Variants in SLC22A2 observed in about 807,000 individuals in gnomAD.
SLC22A2 encodes solute carrier family 22 member 2.
SLC22A2 carries 46 observed loss-of-function variants against 60.5 expected under a neutral mutation model. The observed-to-expected ratio is 0.76, with a 90% CI of 0.60 to 0.97. The LOEUF (loss-of-function observed/expected upper bound fraction) is 0.97, where lower values mean the gene tolerates loss of function less well. SLC22A2 is among the 50% of genes least tolerant of loss of function. The probability of loss-of-function intolerance (pLI) is 0.00; values close to 1 mark genes in which losing one functional copy is unlikely to be tolerated. For synonymous variants in SLC22A2, 303 were observed against 267.0 expected, an observed-to-expected ratio of 1.13 and a Z score of -1.31; for missense variants, 701 against 706.6, an observed-to-expected ratio of 0.99 and a Z score of 0.09.
chr6:160,254,825 A>G (rs928103594), intron 2 of SLC22A2, among the ~76,000 whole-genome samples: 3 of 152,234 alleles, frequency 2.0e-5, no homozygotes, highest in African/African-American at 4.8e-5. Flanking sequence ...ATAATTGACC[A>G]GGGCTTATAA....
chr6:160,251,789 T>C (rs1158935351), intron 2 of SLC22A2, among the ~76,000 whole-genome samples: 1 of 152,230 alleles, frequency 6.6e-6, no homozygotes, highest in African/African-American at 2.4e-5. Context: ...TATGCAACTA[T>C]ATTCTAGTGA....
At chr6:160,231,232 C>T (rs1198845161) in intron 9 of SLC22A2, among the ~76,000 whole-genome samples, 1 of 151,724 alleles carries the variant, frequency 6.6e-6, no homozygotes, top group Non-Finnish European at 1.5e-5. Context: ...TTCAGTTATC[C>T]CCACCTGCCC....
intron 2 of SLC22A2, among the ~76,000 whole-genome samples, chr6:160,252,444 T>C (rs1259528104): frequency 6.6e-6 from 1 of 152,166 alleles, no homozygotes; most frequent in Non-Finnish European, 1.5e-5. Context: ...ATGTTCCACA[T>C]AGGGAAGCAA....
intron 10 of SLC22A2, among the ~76,000 whole-genome samples, chr6:160,222,982 G>T (rs535671856): frequency 6.6e-6 from 1 of 152,166 alleles, no homozygotes; most frequent in African/African-American, 2.4e-5. Flanking sequence ...CCTCCGCTCG[G>T]ATTCAAAGGC....
chr6:160,243,649 A>AT lies in SLC22A2; in HGVS notation c.1201dup (p.Ile401AsnfsTer27). 6.2e-7 allele frequency: 1 copy of AT among 1,614,064 alleles called. No individual in the cohort carries two copies. The highest frequency in any genetic ancestry group is 8.5e-7 in the Non-Finnish European group (1 of 1,179,974). On this transcript the variant is annotated frameshift_variant, in exon 7 of 11. Coordinates refer to ENST00000366953, the MANE Select transcript of SLC22A2 (RefSeq NM_003058.4). LOFTEE classifies it high-confidence loss of function. ...TGCAGCCCAAGGGTAACGGCGTCCG[A>AT]TGCGGTCGATGGTGAGGATGATCAT... is the stretch of plus-strand genomic sequence containing the variant.
At chr6:160,229,986 C>G (rs1325279914) in intron 9 of SLC22A2, among the ~76,000 whole-genome samples, 1 of 151,762 alleles carries the variant, frequency 6.6e-6, no homozygotes, top group Non-Finnish European at 1.5e-5. Flanking sequence ...ACATTGGTCC[C>G]TCCCTAGTCT....
chr6:160,224,700 C>A lies in SLC22A2; in HGVS notation c.1601+5G>T, dbSNP rs1171641231. 5.7e-6 allele frequency: 9 copies of A among 1,591,032 alleles called. No individual in the cohort carries two copies. Among genetic ancestry groups the A allele is most frequent in the Middle Eastern group, 1.7e-4 (1 of 6,030 alleles). On this transcript the variant is annotated splice_donor_5th_base_variant and intron_variant, in intron 10 of 10. Transcript: ENST00000366953. The stretch of plus-strand genomic sequence containing the variant: ...ACAATTCATTTAGAACTTTCAACTG[C>A]CTACCTTTGCATATTTTCGGCTTCC...
chr6:160,233,775 G>A (rs977141457), intron 9 of SLC22A2, among the ~76,000 whole-genome samples: 7 of 151,570 alleles, frequency 4.6e-5, no homozygotes, highest in Non-Finnish European at 1.0e-4. Context: ...CCCACTCTAG[G>A]TTCCCACGCT....
At chr6:160,236,040 C>T (rs1782905416) in intron 9 of SLC22A2, among the ~76,000 whole-genome samples, 1 of 152,074 alleles carries the variant, frequency 6.6e-6, no homozygotes, top group Admixed American at 6.6e-5. Context: ...ACAGAAGTAA[C>T]ATATTTATTT....
At position 160,242,422 on chromosome 6, in the gene SLC22A2, T is replaced by C. The variant is rs756303552; in HGVS notation, c.1280-20A>G. The C allele has an allele frequency of 6.4e-6, 8 of 1,249,330 alleles. No individual in the cohort carries two copies. The highest frequency in any genetic ancestry group is 2.3e-5 in the East Asian group (1 of 43,262). 77.4% of individuals were successfully genotyped at this position (1,249,330 alleles called of 1,614,324 possible). ...GTAGATCTAAGAGGGAAAAGAACAGTACTTATCCGTACACAGATGATTCCT... is the reference window on the plus strand; with the variant it reads ...GTAGATCTAAGAGGGAAAAGAACAGCACTTATCCGTACACAGATGATTCCT... On this transcript the variant is annotated intron_variant, in intron 7 of 10. Coordinates refer to ENST00000366953, the MANE Select transcript of SLC22A2 (RefSeq NM_003058.4).
At chr6:160,244,563 A>G (rs767211076) in intron 6 of SLC22A2, 3 of 152,250 alleles carry the variant, frequency 2.0e-5, no homozygotes, top group Non-Finnish European at 2.9e-5. Context: ...GCCTGTTACG[A>G]ACAACATTTG....
At chr6:160,233,673 C>CA (rs1210658216) in intron 9 of SLC22A2, among the ~76,000 whole-genome samples, 1 of 151,834 alleles carries the variant, frequency 6.6e-6, no homozygotes, top group Non-Finnish European at 1.5e-5. Context: ...TCAATTCATA[C>CA]AAAAATGCAT....
At chr6:160,227,676 T>A (rs1356508276) in intron 9 of SLC22A2, among the ~76,000 whole-genome samples, 1 of 152,224 alleles carries the variant, frequency 6.6e-6, no homozygotes, top group African/African-American at 2.4e-5. Flanking sequence ...CAGAGGCATT[T>A]GAAACACAAC....
intron 9 of SLC22A2, among the ~76,000 whole-genome samples, chr6:160,226,398 C>T (rs1021464790): frequency 1.3e-5 from 2 of 152,182 alleles, no homozygotes; most frequent in Non-Finnish European, 2.9e-5. Flanking sequence ...TTGCAATTCC[C>T]CTGTCTGGAG....
chr6:160,252,728 C>G (rs1331247976), intron 2 of SLC22A2, among the ~76,000 whole-genome samples: 1 of 152,134 alleles, frequency 6.6e-6, no homozygotes, highest in Non-Finnish European at 1.5e-5. Flanking sequence ...TTGGGCCCAC[C>G]CAGATCTGCT....
At chr6:160,251,961 T>C (rs1291156451) in intron 2 of SLC22A2, among the ~76,000 whole-genome samples, 5 of 152,198 alleles carry the variant, frequency 3.3e-5, no homozygotes, top group Non-Finnish European at 1.5e-5. Context: ...GACCATGTAA[T>C]TTCATTTTTA....
intron 10 of SLC22A2, among the ~76,000 whole-genome samples, chr6:160,222,634 G>A (rs930345715): frequency 1.3e-5 from 2 of 152,168 alleles, no homozygotes; most frequent in Non-Finnish European, 2.9e-5. Context: ...TGCATGGGGA[G>A]AGGGGTACGG....
intron 5 of SLC22A2, among the ~76,000 whole-genome samples, chr6:160,246,118 G>C (rs556424101): frequency 4.0e-5 from 6 of 151,208 alleles, no homozygotes; most frequent in Middle Eastern, 3.4e-3. Flanking sequence ...TGCCCGCCTC[G>C]GCTTCCCAAA....
intron 9 of SLC22A2, among the ~76,000 whole-genome samples, chr6:160,231,323 C>T (rs1256396518): frequency 2.0e-5 from 3 of 151,722 alleles, no homozygotes; most frequent in African/African-American, 4.9e-5. Flanking sequence ...CATCTCATTG[C>T]CGTCCTTCTT....
Sources: gnomAD v4.1 joint callset for allele counts (sites outside exome capture counted in the v4.1 genomes callset) on GRCh38, gnomAD v4.1.1 for gene constraint, MANE v1.5 for transcripts, NCBI Gene and HGNC (gene_info 2026-07-23, HGNC 2026-07-21) for gene names.